The following PCP4 variants were observed in gnomAD, a reference collection of about 807,000 sequenced individuals.
PCP4 encodes calmodulin regulator protein PCP4.
A neutral mutation model predicts 10.0 loss-of-function variants in PCP4; 8 were observed. The observed-to-expected ratio is 0.80, with a 90% confidence interval of 0.47 to 1.45. The LOEUF (loss-of-function observed/expected upper bound fraction) is 1.45. PCP4 is among the 40% of genes most tolerant of loss of function. PCP4 has a pLI of 0.00. For synonymous variants in PCP4, 21 were observed against 23.0 expected, an observed-to-expected ratio of 0.91 and a Z score of 0.24; for missense variants, 54 against 74.4, an observed-to-expected ratio of 0.73 and a Z score of 1.01.
intron 1 of PCP4, among the ~76,000 whole-genome samples, chr21:39,888,671 C>T (rs1005887754): frequency 1.6e-4 from 25 of 152,222 alleles, no homozygotes; most frequent in African/African-American, 3.9e-4. Context: ...CTCCCCTCCA[C>T]GCTGAGATGG....
intron 2 of PCP4, among the ~76,000 whole-genome samples, chr21:39,924,049 A>G (rs1274232847): frequency 1.3e-5 from 2 of 152,138 alleles, no homozygotes; most frequent in African/African-American, 2.4e-5. Flanking sequence ...AACACAGCTG[A>G]CCATGATGGC....
chr21:39,886,943 T>G (rs1290454744), intron 1 of PCP4, among the ~76,000 whole-genome samples: 2 of 152,192 alleles, frequency 1.3e-5, no homozygotes, highest in Non-Finnish European at 2.9e-5. Flanking sequence ...TCATTTATGT[T>G]CCAAAAATTT....
At chr21:39,891,996 T>G (rs571435968) in intron 1 of PCP4, among the ~76,000 whole-genome samples, 73 of 152,334 alleles carry the variant, frequency 4.8e-4, no homozygotes, top group African/African-American at 1.7e-3. Flanking sequence ...CAGGCAGGCC[T>G]GGATAATATC....
At chr21:39,913,808 G>A (rs1463290111) in intron 2 of PCP4, among the ~76,000 whole-genome samples, 1 of 152,166 alleles carries the variant, frequency 6.6e-6, no homozygotes, top group Non-Finnish European at 1.5e-5. Context: ...ATACAAAACA[G>A]ACCCGTCTAC....
chr21:39,903,012 C>T (rs1050419600), intron 2 of PCP4, among the ~76,000 whole-genome samples: 5 of 152,096 alleles, frequency 3.3e-5, no homozygotes, highest in African/African-American at 4.8e-5. Context: ...TGAACACAAC[C>T]GAAAGATTTT....
chr21:39,923,527 G>T (rs902502922), intron 2 of PCP4, among the ~76,000 whole-genome samples: 1 of 152,234 alleles, frequency 6.6e-6, no homozygotes, highest in Admixed American at 6.5e-5. Flanking sequence ...GAGGACTGGA[G>T]TATGGAGGCA....
At chr21:39,891,117 G>A (rs2087428485) in intron 1 of PCP4, among the ~76,000 whole-genome samples, 1 of 152,140 alleles carries the variant, frequency 6.6e-6, no homozygotes, top group African/African-American at 2.4e-5. Flanking sequence ...ACTTGATGTG[G>A]TCTGTTCAAC....
intron 2 of PCP4, among the ~76,000 whole-genome samples, chr21:39,924,815 A>G (rs865915536): frequency 3.4e-4 from 52 of 152,320 alleles, no homozygotes; most frequent in Non-Finnish European, 6.5e-4. Flanking sequence ...GATTACCGGC[A>G]TGAGCCACCA....
intron 2 of PCP4, among the ~76,000 whole-genome samples, chr21:39,914,632 C>A (rs2087559984): frequency 6.7e-6 from 1 of 149,424 alleles, no homozygotes; most frequent in African/African-American, 2.5e-5. Flanking sequence ...AATTATGGGG[C>A]AAGGAGAATT....
intron 2 of PCP4, chr21:39,926,163 G>C (rs1325092319): frequency 7.0e-6 from 3 of 427,334 alleles, no homozygotes; most frequent in Non-Finnish European, 9.5e-6. Context: ...ACTCTCTGAA[G>C]TATACAGAAA....
At chr21:39,918,200 A>G (rs1324604512) in intron 2 of PCP4, among the ~76,000 whole-genome samples, 1 of 152,234 alleles carries the variant, frequency 6.6e-6, no homozygotes, top group African/African-American at 2.4e-5. Flanking sequence ...TTCTTCAATG[A>G]TGATTATACC....
In PCP4 at chr21:39,924,093, C is replaced by T. The variant is rs147054694; in HGVS notation, c.62-4891C>T. Among the ~76,000 whole-genome samples the T allele has an allele frequency of 5.0e-3, 759 of 152,326 alleles. 2 individuals carry two copies. The highest frequency in any genetic ancestry group is 0.017 in the African/African-American group (719 of 41,572). On this transcript the variant is annotated intron_variant, in intron 2 of 2. Coordinates refer to ENST00000328619, the MANE Select transcript of PCP4 (RefSeq NM_006198.3). ...CGGCCATGATGGAAAGTGCCCCCTTCCTCCCTGGATGAGGGCCCGAGTGAT... is the reference window on the plus strand; with the variant it reads ...CGGCCATGATGGAAAGTGCCCCCTTTCTCCCTGGATGAGGGCCCGAGTGAT...
At chr21:39,877,085 T>C (rs11910970) in intron 1 of PCP4, among the ~76,000 whole-genome samples, 5,698 of 152,338 alleles carry the variant, frequency 0.037, 354 homozygotes, top group African/African-American at 0.13. Flanking sequence ...CTAAGTTTCC[T>C]TTCCACATTT....
At chr21:39,889,531 C>T (rs2087418563) in intron 1 of PCP4, among the ~76,000 whole-genome samples, 2 of 148,290 alleles carry the variant, frequency 1.3e-5, no homozygotes, top group Non-Finnish European at 3.0e-5. Context: ...ATTCTCCTGC[C>T]TTAGCCTCCT....
At chr21:39,872,412 A>G (rs961579617) in intron 1 of PCP4, among the ~76,000 whole-genome samples, 1 of 152,236 alleles carries the variant, frequency 6.6e-6, no homozygotes, top group East Asian at 1.9e-4. Context: ...CACTGGACAC[A>G]TTGAACTATT....
At chr21:39,881,743 C>G (rs983388704) in intron 1 of PCP4, among the ~76,000 whole-genome samples, 9 of 152,214 alleles carry the variant, frequency 5.9e-5, no homozygotes, top group African/African-American at 1.9e-4. Context: ...GATTCCGACT[C>G]TGCACCCAGA....
chr21:39,887,804 C>A (rs538463050), intron 1 of PCP4, among the ~76,000 whole-genome samples: 6 of 152,134 alleles, frequency 3.9e-5, no homozygotes, highest in African/African-American at 1.4e-4. Context: ...TAGTAACAGG[C>A]CTTTTTGTTT....
At chr21:39,885,979 C>T (rs570422574) in intron 1 of PCP4, among the ~76,000 whole-genome samples, 11 of 152,358 alleles carry the variant, frequency 7.2e-5, no homozygotes, top group South Asian at 2.1e-4. Flanking sequence ...GCCCCTCTTC[C>T]GGGCTTGTAG....
intron 2 of PCP4, among the ~76,000 whole-genome samples, chr21:39,902,682 G>A (rs1168256189): frequency 6.6e-6 from 1 of 152,082 alleles, no homozygotes; most frequent in African/African-American, 2.4e-5. Context: ...AGATTTTGTG[G>A]TATCATCTGC....
Sources: allele counts gnomAD v4.1 joint callset (sites outside exome capture counted in the v4.1 genomes callset), GRCh38; gene constraint gnomAD v4.1.1; transcripts MANE v1.5; gene names NCBI Gene and HGNC (gene_info 2026-07-23, HGNC 2026-07-21).